Variants in FBXL2 observed in about 807,000 individuals in gnomAD.
FBXL2 encodes F-box and leucine rich repeat protein 2, also known as F-box/LRR-repeat protein 2.
FBXL2 carries 38 observed loss-of-function variants against 69.2 expected under a neutral mutation model. The ratio of observed to expected loss-of-function variants is 0.55; its 90% CI spans 0.42 to 0.72. The LOEUF is 0.72. Among genes scored for constraint, FBXL2 ranks in the 30% least tolerant of loss-of-function variants. The pLI, the probability that FBXL2 is intolerant of heterozygous loss-of-function variation, is 0.00. For missense variants in FBXL2, 354 were observed against 520.3 expected, an observed-to-expected ratio of 0.68 and a Z score of 3.11; for synonymous variants, 192 against 201.3, an observed-to-expected ratio of 0.95 and a Z score of 0.39.
intron 8 of FBXL2, 48 bp downstream of exon 8, chr3:33,373,752 C>T: frequency 6.2e-7 from 1 of 1,613,858 alleles, no homozygotes; most frequent in Non-Finnish European, 8.5e-7. Flanking sequence ...CAGGTGTGGG[C>T]ACATCATCCA....
At chr3:33,404,401 G>C (rs2044358225), downstream of FBXL2, among the ~76,000 whole-genome samples, 1 of 151,586 alleles carries the variant, frequency 6.6e-6, no homozygotes, top group Non-Finnish European at 1.5e-5. Flanking sequence ...GACAGAGCGA[G>C]ATTCCATCTC....
chr3:33,346,862 ATATT>A (rs1384895981), intron 2 of FBXL2, among the ~76,000 whole-genome samples: 1 of 152,178 alleles, frequency 6.6e-6, no homozygotes, highest in Non-Finnish European at 1.5e-5. Context: ...GTAAGCATAT[ATATT>A]TATGGGGTAT....
intron 1 of FBXL2, among the ~76,000 whole-genome samples, chr3:33,284,086 G>A (rs544811517): frequency 6.6e-6 from 1 of 151,690 alleles, no homozygotes; most frequent in Non-Finnish European, 1.5e-5. Context: ...TCTTGCCTTC[G>A]GCTAGCTTTT....
the FBXL2 span, among the ~76,000 whole-genome samples, chr3:33,420,987 A>C: frequency 9.9e-4 from 151 of 152,312 alleles, no homozygotes; most frequent in Middle Eastern, 3.4e-3. Context: ...TAACAAGGAG[A>C]AATTCTTTTC....
At chr3:33,286,972 C>T (rs991322925) in intron 1 of FBXL2, among the ~76,000 whole-genome samples, 1 of 152,208 alleles carries the variant, frequency 6.6e-6, no homozygotes, top group Non-Finnish European at 1.5e-5. Context: ...AACTCCCCGA[C>T]CCCTTGCGCT....
At chr3:33,373,543 G>C (rs1174409976) in intron 7 of FBXL2, 35 bp from the exon 8 acceptor site, 1 of 1,613,852 alleles carries the variant, frequency 6.2e-7, no homozygotes, top group African/African-American at 1.3e-5. Flanking sequence ...CTACAGGAGA[G>C]ACTGCACATA....
At chr3:33,380,295 C>T (rs1186164197) in intron 13 of FBXL2, among the ~76,000 whole-genome samples, 2 of 150,990 alleles carry the variant, frequency 1.3e-5, no homozygotes, top group Non-Finnish European at 2.9e-5. Flanking sequence ...GTGGCTCATG[C>T]CTGTAATCCC....
At chr3:33,283,718 A>G (rs1368132636) in intron 1 of FBXL2, among the ~76,000 whole-genome samples, 2 of 152,140 alleles carry the variant, frequency 1.3e-5, no homozygotes, top group South Asian at 4.1e-4. Flanking sequence ...TATTGCCTCA[A>G]TTTCAGAGCC....
chr3:33,341,977 T>G (rs940718208), intron 2 of FBXL2, among the ~76,000 whole-genome samples: 2 of 151,374 alleles, frequency 1.3e-5, no homozygotes, highest in African/African-American at 4.8e-5. Context: ...ATTTTTCATT[T>G]ATGCAGTTTT....
intron 12 of FBXL2, among the ~76,000 whole-genome samples, chr3:33,394,817 GTTTTTTT>G (rs76142927): frequency 7.2e-5 from 8 of 110,428 alleles, no homozygotes; most frequent in Non-Finnish European, 1.3e-4. Context: ...CCCTCCACTT[GTTTTTTT>G]TTTTTTTTTT....
intron 9 of FBXL2, 127 bp from the exon 10 acceptor site, chr3:33,375,161 G>T (rs114895481): frequency 0.02 from 21,821 of 1,115,730 alleles, 272 homozygotes; most frequent in Non-Finnish European, 0.023. Context: ...TTATTTTGTT[G>T]AAGTTATTTG....
chr3:33,418,860 CAAAAA>C, the FBXL2 span, among the ~76,000 whole-genome samples: 2 of 76,766 alleles, frequency 2.6e-5, no homozygotes, highest in Admixed American at 1.5e-4. Context: ...ACTCTGTCTC[CAAAAA>C]AAAAAAAAAA....
chr3:33,319,927 G>A (rs2038052337), intron 2 of FBXL2, among the ~76,000 whole-genome samples: 3 of 152,116 alleles, frequency 2.0e-5, no homozygotes. Context: ...CAGAAGATGT[G>A]CAAGTCCTAT....
downstream of FBXL2, chr3:33,388,642 T>G (rs768030347): frequency 2.0e-5 from 3 of 152,130 alleles, no homozygotes; most frequent in Admixed American, 6.5e-5. Context: ...ACAAACGAGA[T>G]AAACTCACTT....
intron 2 of FBXL2, among the ~76,000 whole-genome samples, chr3:33,322,138 C>T (rs560902895): frequency 1.1e-3 from 152 of 133,242 alleles, no homozygotes; most frequent in African/African-American, 4.3e-3. Context: ...AGTGCAGTGG[C>T]GCCATCTTGG....
intron 1 of FBXL2, among the ~76,000 whole-genome samples, chr3:33,284,432 T>C (rs1408184752): frequency 6.6e-6 from 1 of 152,206 alleles, no homozygotes; most frequent in Non-Finnish European, 1.5e-5. Flanking sequence ...TAATTTCTGT[T>C]CTTTTACATT....
At chr3:33,350,885 G>T (rs1419774079) in intron 2 of FBXL2, among the ~76,000 whole-genome samples, 2 of 152,126 alleles carry the variant, frequency 1.3e-5, no homozygotes, top group African/African-American at 4.8e-5. Context: ...ACATTGGAAA[G>T]AGATAAAATT....
At chr3:33,366,560 A>G (rs2041961835) in intron 5 of FBXL2, among the ~76,000 whole-genome samples, 1 of 152,144 alleles carries the variant, frequency 6.6e-6, no homozygotes, top group Non-Finnish European at 1.5e-5. Flanking sequence ...GCTATTTGGG[A>G]GGCTAAAGTG....
At chr3:33,417,841 A>G in the FBXL2 span, among the ~76,000 whole-genome samples, 1 of 152,236 alleles carries the variant, frequency 6.6e-6, no homozygotes, top group African/African-American at 2.4e-5. Context: ...GGGGGCTTAC[A>G]GAAAAATATA....
Sources: allele counts gnomAD v4.1 joint callset (sites outside exome capture counted in the v4.1 genomes callset), GRCh38; gene constraint gnomAD v4.1.1; transcripts MANE v1.5; gene names NCBI Gene and HGNC (gene_info 2026-07-23, HGNC 2026-07-21).